LHFPL4: variants seen among roughly 807,000 people sequenced by gnomAD.
LHFPL4 encodes the protein LHFPL tetraspan subfamily member 4.
LHFPL4 carries 6 observed loss-of-function variants against 20.0 expected under a neutral mutation model. The observed-to-expected ratio is 0.30, with a 90% CI of 0.16 to 0.59. LHFPL4 has a LOEUF of 0.59. Among genes scored for constraint, LHFPL4 ranks in the 20% least tolerant of loss-of-function variants. The pLI, the probability that LHFPL4 is intolerant of heterozygous loss-of-function variation, is 0.88. For missense variants in LHFPL4, 215 were observed against 331.2 expected, an observed-to-expected ratio of 0.65 and a Z score of 2.72; for synonymous variants, 129 against 143.8, an observed-to-expected ratio of 0.90 and a Z score of 0.74.
At chr3:9,511,544 A>G (rs1016772823) in intron 2 of LHFPL4, among the ~76,000 whole-genome samples, 1 of 152,156 alleles carries the variant, frequency 6.6e-6, no homozygotes, top group Non-Finnish European at 1.5e-5. Flanking sequence ...ACTTCGATGC[A>G]TTTACTTGAA....
chr3:9,540,551 G>A (rs1050244004), intron 2 of LHFPL4, among the ~76,000 whole-genome samples: 1 of 152,074 alleles, frequency 6.6e-6, no homozygotes, highest in African/African-American at 2.4e-5. Context: ...GAACAAAGTT[G>A]GAGGACTCAC....
intron 2 of LHFPL4, chr3:9,551,189 G>T (rs2046550931): frequency 6.6e-6 from 1 of 152,260 alleles, no homozygotes; most frequent in Admixed American, 6.5e-5. Context: ...TCCTCCAGGG[G>T]GTCTCTTTTG....
chr3:9,502,183 C>T lies in LHFPL4; in HGVS notation c.*28G>A. 1 of 1,539,276 alleles carries T rather than the reference C, an allele frequency of 6.5e-7. No homozygotes were observed. The highest frequency in any genetic ancestry group is 9.0e-7 in the Non-Finnish European group (1 of 1,112,038). On this transcript the variant is annotated 3_prime_UTR_variant, in exon 4 of 4. Coordinates refer to ENST00000287585, the MANE Select transcript of LHFPL4 (RefSeq NM_198560.3). The stretch of plus-strand genomic sequence containing the variant: ...GAAGGCAGGACAAGCTGAGGTCAGG[C>T]CAATTACTGGGCTGTGATCCTGGCC...
In LHFPL4 at chr3:9,552,703, G is replaced by A; in HGVS notation, c.-24C>T. The A allele has an allele frequency of 7.6e-7, 1 of 1,318,862 alleles. No homozygotes were observed. Among genetic ancestry groups the A allele is most frequent in the Non-Finnish European group, 9.7e-7 (1 of 1,030,710 alleles). 81.7% of individuals were successfully genotyped at this position (1,318,862 alleles called of 1,614,324 possible). A position where few individuals can be genotyped will look rare whatever the true frequency, so the allele number is the denominator to read the frequency against. ...ATGGTGCCCGGAGGCGGGGCCGGCG[G>A]CGGCGGCGGCTGGCGGGGGCCGCCG... On this transcript the variant is annotated 5_prime_UTR_variant, in exon 2 of 4. Transcript: ENST00000287585.
At chr3:9,532,134 T>G (rs533431564) in intron 2 of LHFPL4, among the ~76,000 whole-genome samples, 2 of 152,078 alleles carry the variant, frequency 1.3e-5, no homozygotes, top group South Asian at 4.2e-4. Flanking sequence ...CAAGCAATTC[T>G]TGCTCCACAG....
At chr3:9,504,130 G>A (rs1313629633) in intron 3 of LHFPL4, among the ~76,000 whole-genome samples, 1 of 152,078 alleles carries the variant, frequency 6.6e-6, no homozygotes, top group Non-Finnish European at 1.5e-5. Context: ...CAACACTTTG[G>A]GAAGCTGAGG....
intron 2 of LHFPL4, among the ~76,000 whole-genome samples, chr3:9,525,898 C>G (rs536628419): frequency 2.0e-5 from 3 of 152,136 alleles, no homozygotes; most frequent in Non-Finnish European, 2.9e-5. Context: ...TCTGACCTAG[C>G]CTTCCTGGGG....
In LHFPL4 at chr3:9,552,745, C is replaced by T; in HGVS notation, c.-66G>A. The T allele has an allele frequency of 1.0e-6, 1 of 991,002 alleles. No individual in the cohort carries two copies. The allele number at this position is 991,002 out of a possible 1,614,324, so 61.4% of individuals were successfully genotyped here. The stretch of plus-strand genomic sequence containing the variant: ...GGGCCGCCGGCCCGGGACGGAGCGC[C>T]GGGCTGCCGGGCGGGAGCTGGGGAC... On this transcript the variant is annotated 5_prime_UTR_variant, in exon 2 of 4. Coordinates refer to ENST00000287585, the MANE Select transcript of LHFPL4 (RefSeq NM_198560.3).
chr3:9,517,400 T>A (rs56045120), intron 2 of LHFPL4, among the ~76,000 whole-genome samples: 79,838 of 151,622 alleles, frequency 0.53, 21,495 homozygotes, highest in African/African-American at 0.65. Flanking sequence ...GAGTTTGGTA[T>A]TTTTTTTCAT....
At chr3:9,549,225 T>C (rs992748801) in intron 2 of LHFPL4, among the ~76,000 whole-genome samples, 1 of 152,108 alleles carries the variant, frequency 6.6e-6, no homozygotes, top group Non-Finnish European at 1.5e-5. Context: ...TTGCATTTTA[T>C]AGACCTAAGA....
At chr3:9,522,331 T>A (rs1020548980) in intron 2 of LHFPL4, among the ~76,000 whole-genome samples, 6 of 152,126 alleles carry the variant, frequency 3.9e-5, no homozygotes, top group African/African-American at 1.4e-4. Flanking sequence ...TATGTATGAC[T>A]GTTGTCATTC....
At chr3:9,545,951 G>C (rs1319715650) in intron 2 of LHFPL4, among the ~76,000 whole-genome samples, 6 of 151,818 alleles carry the variant, frequency 4.0e-5, no homozygotes, top group East Asian at 1.9e-4. Context: ...AAATGTAGAT[G>C]AATATTCTAT....
In LHFPL4 at chr3:9,552,256, G is replaced by GTCCAC; in HGVS notation, c.406+13_406+17dup. On this transcript the variant is annotated intron_variant, in intron 2 of 3. Transcript: ENST00000287585. ...CCCTGGCGCTTGTTCTGGGAGTTCC[G>GTCCAC]TCCACCCCCTCCCCTACCTGCCAAG... is the stretch of plus-strand genomic sequence containing the variant. The GTCCAC allele has an allele frequency of 6.3e-7, 1 of 1,575,038 alleles. No individual in the cohort carries two copies. The highest frequency in any genetic ancestry group is 8.6e-7 in the Non-Finnish European group (1 of 1,157,658).
chr3:9,510,664 G>A (rs994809805), intron 2 of LHFPL4, among the ~76,000 whole-genome samples: 3 of 151,792 alleles, frequency 2.0e-5, no homozygotes, highest in Admixed American at 6.6e-5. Context: ...GTGGCCCGGC[G>A]CGATGGCTCA....
intron 2 of LHFPL4, among the ~76,000 whole-genome samples, chr3:9,530,425 C>G (rs2046401814): frequency 6.6e-6 from 1 of 152,176 alleles, no homozygotes; most frequent in Non-Finnish European, 1.5e-5. Context: ...CTGCTAGCTT[C>G]CAACTTTTCT....
Position 9,506,257 on chromosome 3 carries a change from C to A in LHFPL4, c.407-54G>T. 6.9e-7 allele frequency: 1 copy of A among 1,447,692 alleles called. No individual in the cohort carries two copies. Among genetic ancestry groups the A allele is most frequent in the Non-Finnish European group, 9.7e-7 (1 of 1,030,824 alleles). The allele number at this position is 1,447,692 out of a possible 1,614,324, so 89.7% of individuals were successfully genotyped here. A position where few individuals can be genotyped will look rare whatever the true frequency, so the allele number is the denominator to read the frequency against. On this transcript the variant is annotated intron_variant, in intron 2 of 3. Transcript: ENST00000287585. This position sits in a 1 kb window ranked among gnomAD's most constrained non-coding sequence, Gnocchi z 4.5. ...CACGGTCAGGAAGGAAGAGAAAAGA[C>A]CATTACTCGCTAGTGTCCGCAGTCT...
intron 2 of LHFPL4, among the ~76,000 whole-genome samples, chr3:9,520,329 A>G (rs867976432): frequency 6.6e-6 from 1 of 152,092 alleles, no homozygotes; most frequent in Middle Eastern, 3.4e-3. Context: ...TTTAAAGTTT[A>G]TCTTGAGGTT....
chr3:9,542,858 G>C (rs2046486398), intron 2 of LHFPL4, among the ~76,000 whole-genome samples: 1 of 149,264 alleles, frequency 6.7e-6, no homozygotes, highest in African/African-American at 2.5e-5. Context: ...TTTATATGAA[G>C]TGTCTAGAAT....
chr3:9,552,492 T>C lies in LHFPL4; in HGVS notation c.188A>G (p.His63Arg), dbSNP rs2046562151. 6.2e-7 allele frequency: 1 copy of C among 1,613,492 alleles called. No homozygotes were observed. Among genetic ancestry groups the C allele is most frequent in the East Asian group, 2.2e-5 (1 of 44,844 alleles). The change falls in exon 2 of 4, where the codon CAC (histidine) becomes CGC (arginine). Residue 63 changes from histidine (H) to arginine (R), a missense_variant. Physicochemically the swap from His to Arg is conservative, Grantham distance 29. Coordinates refer to ENST00000287585, the MANE Select transcript of LHFPL4 (RefSeq NM_198560.3). ...TPKPGYFGLF[H>R]YCVGSGLAGR... ...CGCCAGCCCGCTGCCCACGCAGTAG[T>C]GGAAGAGGCCGAAGTAGCCAGGCTT... is the stretch of plus-strand genomic sequence containing the variant.
Sources: gnomAD v4.1 joint callset for allele counts (sites outside exome capture counted in the v4.1 genomes callset) on GRCh38, gnomAD v4.1.1 for gene constraint, Gnocchi (gnomAD v3.1) non-coding constraint, MANE v1.5 for transcripts, NCBI Gene and HGNC (gene_info 2026-07-23, HGNC 2026-07-21) for gene names.